Variants in CSMD2 observed in about 807,000 individuals in gnomAD.
CSMD2 encodes the protein CUB and sushi domain-containing protein 2.
Under a neutral mutation model 398.5 loss-of-function variants are expected in CSMD2, and 130 were observed. The observed-to-expected ratio is 0.33, with a 90% CI of 0.28 to 0.38. The LOEUF (loss-of-function observed/expected upper bound fraction) is 0.38, where lower values mean the gene tolerates loss of function less well. Ranked by LOEUF, CSMD2 falls within the 10% of genes least tolerant of loss-of-function variation. The pLI is 1.00. For synonymous variants in CSMD2, 1,828 were observed against 1,908.5 expected (o/e 0.96, Z 1.10); for missense variants, 3,829 against 4,764.9 (o/e 0.80, Z 5.78).
intron 3 of CSMD2, among the ~76,000 whole-genome samples, chr1:34,024,914 C>T (rs148378778): frequency 2.0e-5 from 3 of 152,246 alleles, no homozygotes; most frequent in African/African-American, 7.2e-5. Context: ...AGGCTGAGGC[C>T]GAGAGAGAGA....
intron 56 of CSMD2, among the ~76,000 whole-genome samples, chr1:33,546,526 C>T (rs1040411055): frequency 9.2e-5 from 14 of 152,240 alleles, no homozygotes; most frequent in Admixed American, 8.5e-4. Flanking sequence ...TCCTCCTTCT[C>T]CCCTTCCCCT....
chr1:33,735,601 C>T (rs562042241), intron 15 of CSMD2, among the ~76,000 whole-genome samples: 4 of 152,124 alleles, frequency 2.6e-5, no homozygotes, highest in Non-Finnish European at 4.4e-5. Context: ...CCCACACAGT[C>T]GAAAATACTT....
chr1:33,892,805 C>T (rs1642115548), intron 5 of CSMD2, among the ~76,000 whole-genome samples: 1 of 152,236 alleles, frequency 6.6e-6, no homozygotes, highest in Admixed American at 6.5e-5. Flanking sequence ...GTTCTGCTTA[C>T]TTTTTGCTGT....
At chr1:33,642,613 C>G (rs1643177244) in intron 29 of CSMD2, among the ~76,000 whole-genome samples, 1 of 152,034 alleles carries the variant, frequency 6.6e-6, no homozygotes, top group Non-Finnish European at 1.5e-5. Context: ...CCCTTGGGCT[C>G]TTGTATTCTA....
At chr1:33,859,652 T>G (rs1488108737) in intron 5 of CSMD2, among the ~76,000 whole-genome samples, 1 of 152,188 alleles carries the variant, frequency 6.6e-6, no homozygotes, top group African/African-American at 2.4e-5. Context: ...ATGCAACCAG[T>G]GAGTCCCACT....
At chr1:33,545,507 G>A (rs946933408) in intron 57 of CSMD2, among the ~76,000 whole-genome samples, 3 of 152,172 alleles carry the variant, frequency 2.0e-5, no homozygotes, top group African/African-American at 7.2e-5. Context: ...GCTTGGACAT[G>A]GTGCCTTCTT....
chr1:33,942,493 C>T (rs189619451), intron 3 of CSMD2, among the ~76,000 whole-genome samples: 4 of 152,258 alleles, frequency 2.6e-5, no homozygotes, highest in Non-Finnish European at 4.4e-5. Context: ...AGTCAGAGGG[C>T]CCCGCCCTGC....
intron 2 of CSMD2, among the ~76,000 whole-genome samples, chr1:34,062,984 G>A (rs1654691544): frequency 6.6e-6 from 1 of 152,082 alleles, no homozygotes; most frequent in African/African-American, 2.4e-5. Context: ...CTTCTTACAT[G>A]GCGGCAACAA....
At chr1:33,544,724 G>GA (rs1447034151) in intron 57 of CSMD2, among the ~76,000 whole-genome samples, 4 of 151,760 alleles carry the variant, frequency 2.6e-5, no homozygotes, top group East Asian at 1.9e-4. Flanking sequence ...CAGTTAGAAA[G>GA]AAAAAATAAG....
intron 11 of CSMD2, among the ~76,000 whole-genome samples, chr1:33,790,841 C>CTATG (rs1553207711): frequency 2.6e-4 from 39 of 151,404 alleles, no homozygotes; most frequent in African/African-American, 8.0e-4. Flanking sequence ...ATCTATCTAT[C>CTATG]TATCATCTAT....
Position 33,546,029 on chromosome 1 carries a change from T to C in CSMD2, c.9100+8A>G. 2.5e-6 allele frequency: 4 copies of C among 1,607,488 alleles called. No individual in the cohort carries two copies. The highest frequency in any genetic ancestry group is 8.5e-7 in the Non-Finnish European group (1 of 1,175,372). ...AAAGGGGAGAAGCAGAATGGTCACA[T>C]ACATTACCTCCACACTCAGGCTGCG... On this transcript the variant is annotated splice_region_variant and intron_variant, in intron 57 of 70. Coordinates refer to ENST00000373381, the MANE Select transcript of CSMD2 (RefSeq NM_001281956.2).
chr1:33,964,143 G>A (rs938594508), intron 3 of CSMD2, among the ~76,000 whole-genome samples: 1 of 152,198 alleles, frequency 6.6e-6, no homozygotes, highest in African/African-American at 2.4e-5. Flanking sequence ...AGATCTTTGA[G>A]ATTGAAGTGG....
At chr1:33,538,451 A>G (rs1236256918) in intron 60 of CSMD2, among the ~76,000 whole-genome samples, 2 of 152,200 alleles carry the variant, frequency 1.3e-5, no homozygotes, top group Non-Finnish European at 2.9e-5. Flanking sequence ...GCTTTATGCT[A>G]TGATGCAAAT....
intron 3 of CSMD2, among the ~76,000 whole-genome samples, chr1:33,937,779 G>A (rs1644524538): frequency 6.6e-6 from 1 of 152,240 alleles, no homozygotes; most frequent in Non-Finnish European, 1.5e-5. Flanking sequence ...AGAAAGGAGT[G>A]AGGCCAATAA....
chr1:33,900,481 T>C (rs898215943), intron 5 of CSMD2, among the ~76,000 whole-genome samples: 5 of 152,222 alleles, frequency 3.3e-5, no homozygotes, highest in Admixed American at 6.5e-5. Flanking sequence ...ATTATTATTT[T>C]ACAAGAGTTT....
chr1:33,959,007 T>C (rs1270961521), intron 3 of CSMD2, among the ~76,000 whole-genome samples: 2 of 152,214 alleles, frequency 1.3e-5, no homozygotes, highest in Non-Finnish European at 2.9e-5. Flanking sequence ...GACTCCCTGC[T>C]GACCTGTGAC....
chr1:33,714,559 A>G, intron 21 of CSMD2, 28 bp downstream of exon 21: 1 of 1,609,912 alleles, frequency 6.2e-7, no homozygotes, highest in Non-Finnish European at 8.5e-7. Flanking sequence ...CCATTAGTGA[A>G]GCAAAATGAA....
At chr1:33,691,352 C>T (rs1056443074) in intron 25 of CSMD2, among the ~76,000 whole-genome samples, 1 of 152,160 alleles carries the variant, frequency 6.6e-6, no homozygotes, top group Non-Finnish European at 1.5e-5. Flanking sequence ...CCAGCAGTGC[C>T]GTGCAGGATG....
At chr1:33,528,052 G>A (rs1267617051) in intron 64 of CSMD2, among the ~76,000 whole-genome samples, 3 of 152,158 alleles carry the variant, frequency 2.0e-5, no homozygotes, top group African/African-American at 7.2e-5. Flanking sequence ...GAGTCCTGGT[G>A]GGGGTTGCAG....
Sources: allele counts gnomAD v4.1 joint callset (sites outside exome capture counted in the v4.1 genomes callset), GRCh38; gene constraint gnomAD v4.1.1; transcripts MANE v1.5; gene names NCBI Gene and HGNC (gene_info 2026-07-23, HGNC 2026-07-21).